Variants in SLC6A11 observed in about 807,000 individuals in gnomAD.
SLC6A11 encodes sodium- and chloride-dependent GABA transporter 3.
SLC6A11 carries 25 observed loss-of-function variants against 74.8 expected under a neutral mutation model. The ratio of observed to expected loss-of-function variants is 0.33; its 90% confidence interval spans 0.24 to 0.47. The LOEUF (loss-of-function observed/expected upper bound fraction) is 0.47, where lower values mean the gene tolerates loss of function less well. Ranked by LOEUF, SLC6A11 falls within the 20% of genes least tolerant of loss-of-function variation. The pLI, the probability that SLC6A11 is intolerant of heterozygous loss-of-function variation, is 1.00. For synonymous variants in SLC6A11, 330 were observed against 330.2 expected (o/e 1.00, Z 0.01); for missense variants, 574 against 837.0 (o/e 0.69, Z 3.88).
At chr3:10,880,952 C>T (rs1038607385) in intron 6 of SLC6A11, among the ~76,000 whole-genome samples, 1 of 152,188 alleles carries the variant, frequency 6.6e-6, no homozygotes, top group Non-Finnish European at 1.5e-5. Flanking sequence ...AGTCTCACCT[C>T]TTCTGGGGTT....
chr3:10,829,167 C>T (rs1351252191), intron 4 of SLC6A11, among the ~76,000 whole-genome samples: 5 of 152,190 alleles, frequency 3.3e-5, no homozygotes, highest in Non-Finnish European at 4.4e-5. Flanking sequence ...AGATTTTTTG[C>T]AATTGGTTCT....
rs554487660 is a variant in SLC6A11, at chr3:10,837,379, C to T, written c.624-6835C>T. On this transcript the variant is annotated intron_variant, in intron 4 of 13. Coordinates refer to ENST00000254488, the MANE Select transcript of SLC6A11 (RefSeq NM_014229.3). Reference sequence around the variant, plus strand: ...GTCCCTGATTGCACTCCCTGGCTCCCCAGGGTACTGGCTCCACTGACACTC... The same window carrying T: ...GTCCCTGATTGCACTCCCTGGCTCCTCAGGGTACTGGCTCCACTGACACTC... Among the ~76,000 whole-genome samples the T allele has an allele frequency of 3.2e-4, 49 of 152,206 alleles. 1 individual carries two copies. Among genetic ancestry groups the T allele is most frequent in the Admixed American group, 1.6e-3 (25 of 15,298 alleles).
rs2272400 is a variant in SLC6A11, at chr3:10,934,163, C to T, written c.1572C>T (p.Cys524=). 23,854 of 1,608,836 alleles carry T rather than the reference C, an allele frequency of 0.015. 944 individuals carry two copies. In the East Asian group the frequency reaches 0.17, roughly 12 times the overall value. Residue 524 remains cysteine, a synonymous_variant, in exon 12 of 14, where the codon TGC becomes TGT. Coordinates refer to ENST00000254488, the MANE Select transcript of SLC6A11 (RefSeq NM_014229.3). The stretch of plus-strand genomic sequence containing the variant: ...GGATGATCATGACCCCTGGGATCTG[C>T]GCGGTAAGGGCCCCACCAGGAGCCA... ...WCWMIMTPGI[C]AGIFIFFLIK...
chr3:10,914,835 G>C (rs2106627114), intron 7 of SLC6A11, among the ~76,000 whole-genome samples: 1 of 152,270 alleles, frequency 6.6e-6, no homozygotes, highest in African/African-American at 2.4e-5. Context: ...CACTGTCTGT[G>C]TACAGTATCA....
intron 9 of SLC6A11, 143 bp from the exon 10 acceptor site, chr3:10,929,059 G>C: frequency 1.2e-6 from 1 of 825,016 alleles, no homozygotes; most frequent in Non-Finnish European, 2.0e-6. Flanking sequence ...TGGGATGACT[G>C]TTATCCTCAG....
Position 10,938,442 on chromosome 3 carries a change from C to G in SLC6A11, c.*40C>G, listed in dbSNP as rs1465572547. ...TCTGGGGCTCTTCTTCCTTTCTTCC[C>G]CCCGTGTATGTAAATGAATTCCTGA... On this transcript the variant is annotated 3_prime_UTR_variant, in exon 14 of 14. Coordinates refer to ENST00000254488, the MANE Select transcript of SLC6A11 (RefSeq NM_014229.3). The G allele has an allele frequency of 6.5e-7, 1 of 1,548,212 alleles. No homozygotes were observed. Among genetic ancestry groups the G allele is most frequent in the African/African-American group, 1.4e-5 (1 of 73,350 alleles).
At chr3:10,905,205 T>G (rs1254701389) in intron 6 of SLC6A11, among the ~76,000 whole-genome samples, 2 of 152,276 alleles carry the variant, frequency 1.3e-5, no homozygotes, top group African/African-American at 4.8e-5. Context: ...TGTGTTCATG[T>G]CATTTATTTT....
intron 12 of SLC6A11, among the ~76,000 whole-genome samples, chr3:10,934,705 T>A (rs985362655): frequency 6.6e-6 from 1 of 151,936 alleles, no homozygotes; most frequent in African/African-American, 2.4e-5. Context: ...TCCCGAGGAG[T>A]AACTAGAAAA....
At chr3:10,824,865 A>C (rs908153619) in intron 4 of SLC6A11, 34 of 152,204 alleles carry the variant, frequency 2.2e-4, no homozygotes, top group African/African-American at 7.7e-4. Flanking sequence ...CAGTTTTATC[A>C]TATAACGTAA....
intron 4 of SLC6A11, among the ~76,000 whole-genome samples, chr3:10,838,650 G>A (rs1694398135): frequency 6.6e-6 from 1 of 152,214 alleles, no homozygotes; most frequent in South Asian, 2.1e-4. Context: ...TCAGGAGGCT[G>A]AGGCAGGAGA....
intron 6 of SLC6A11, among the ~76,000 whole-genome samples, chr3:10,909,290 A>G (rs1475505942): frequency 1.3e-5 from 2 of 152,070 alleles, no homozygotes; most frequent in Non-Finnish European, 2.9e-5. Flanking sequence ...AGGTGCTGTT[A>G]CCGAAAAAGG....
Position 10,900,208 on chromosome 3 carries a change from G to A in SLC6A11, c.892-11882G>A, listed in dbSNP as rs372777221. On this transcript the variant is annotated intron_variant, in intron 6 of 13. Transcript: ENST00000254488. ...GGAACTTTAAGGGTAAGCTGCAATC[G>A]GAGCCAGGTGTCCTGTCCCTCTCAG... is the stretch of plus-strand genomic sequence containing the variant. 2.6e-5 allele frequency among the ~76,000 whole-genome samples: 4 copies of A among 152,250 alleles called. No homozygotes were observed. In the South Asian group the frequency reaches 6.2e-4, roughly 24 times the overall value.
chr3:10,840,027 C>A (rs1694417470), intron 4 of SLC6A11, among the ~76,000 whole-genome samples: 1 of 152,188 alleles, frequency 6.6e-6, no homozygotes, highest in African/African-American at 2.4e-5. Context: ...CTGCCCCACC[C>A]TGACCGTTCA....
At chr3:10,917,509 C>T (rs1281709735) in intron 7 of SLC6A11, among the ~76,000 whole-genome samples, 1 of 152,178 alleles carries the variant, frequency 6.6e-6, no homozygotes, top group Non-Finnish European at 1.5e-5. Context: ...CCAGGCACTA[C>T]AGTGGTTGAA....
rs541354600 is a variant in SLC6A11, at chr3:10,864,603, T to C, written c.757-10358T>C. On this transcript the variant is annotated intron_variant, in intron 5 of 13. Coordinates refer to ENST00000254488, the MANE Select transcript of SLC6A11 (RefSeq NM_014229.3). ...GGTGCACTTGGGTCCCCGGCTTCCC[T>C]TCAACTCAGCTTTGATTTCCTTCTA... 1.8e-4 allele frequency among the ~76,000 whole-genome samples: 28 copies of C among 152,236 alleles called. No homozygotes were observed. In the South Asian group the frequency reaches 4.6e-3, roughly 25 times the overall value.
intron 10 of SLC6A11, among the ~76,000 whole-genome samples, chr3:10,932,948 C>T (rs1000076839): frequency 6.6e-6 from 1 of 152,128 alleles, no homozygotes; most frequent in African/African-American, 2.4e-5. Context: ...TCTGCGGTCC[C>T]AGCAGCCCCC....
chr3:10,861,814 T>G (rs1207978326), intron 5 of SLC6A11, among the ~76,000 whole-genome samples: 1 of 152,120 alleles, frequency 6.6e-6, no homozygotes, highest in Non-Finnish European at 1.5e-5. Context: ...TTCCAAGAAA[T>G]GAAGCAGTTT....
At chr3:10,873,423 T>C (rs1324452893) in intron 5 of SLC6A11, among the ~76,000 whole-genome samples, 8 of 150,902 alleles carry the variant, frequency 5.3e-5, no homozygotes, top group African/African-American at 1.7e-4. Context: ...TCCTATCCTA[T>C]CCTATCCTAT....
Position 10,934,094 on chromosome 3 carries a change from A to G in SLC6A11, c.1503A>G (p.Glu501=). The G allele has an allele frequency of 6.2e-7, 1 of 1,613,758 alleles. No homozygotes were observed. The highest frequency in any genetic ancestry group is 8.5e-7 in the Non-Finnish European group (1 of 1,179,638). The change falls in exon 12 of 14, where the codon GAA becomes GAG. Residue 501 remains glutamate (E), a synonymous_variant. Coordinates refer to ENST00000254488, the MANE Select transcript of SLC6A11 (RefSeq NM_014229.3). ...GCAACCGGTTCTATGATAACATTGA[A>G]GACATGATTGGCTACCGGCCACCGT... The part of the protein sequence containing the change: ...YGSNRFYDNI[E]DMIGYRPPSL...
Sources: gnomAD v4.1 joint callset for allele counts (sites outside exome capture counted in the v4.1 genomes callset) on GRCh38, gnomAD v4.1.1 for gene constraint, MANE v1.5 for transcripts, NCBI Gene and HGNC (gene_info 2026-07-23, HGNC 2026-07-21) for gene names.